Variants in PIK3AP1 observed in about 807,000 individuals in gnomAD.
PIK3AP1 encodes phosphoinositide 3-kinase adapter protein 1.
In PIK3AP1, 21 loss-of-function variants were observed where a neutral mutation model predicts 88.1. The ratio of observed to expected loss-of-function variants is 0.24; its 90% CI spans 0.17 to 0.34. The LOEUF (loss-of-function observed/expected upper bound fraction) is 0.34, where lower values mean the gene tolerates loss of function less well. Ranked by LOEUF, PIK3AP1 falls within the 10% of genes least tolerant of loss-of-function variation. PIK3AP1 has a pLI of 1.00. For synonymous variants in PIK3AP1, 398 were observed against 400.0 expected, an observed-to-expected ratio of 1.00 and a Z score of 0.06; for missense variants, 828 against 1,035.7, an observed-to-expected ratio of 0.80 and a Z score of 2.75.
intron 12 of PIK3AP1, 41 bp from the exon 13 acceptor site, chr10:96,616,752 A>T (rs756736387): frequency 6.4e-7 from 1 of 1,560,850 alleles, no homozygotes; most frequent in African/African-American, 1.4e-5. Context: ...GTACAACAGG[A>T]TGATACCCTC....
At chr10:96,620,754 T>C (rs1008830192) in intron 11 of PIK3AP1, 197 bp from the exon 12 acceptor site, 14 of 563,492 alleles carry the variant, frequency 2.5e-5, no homozygotes, top group Non-Finnish European at 4.1e-5. Flanking sequence ...CCTATCACAC[T>C]GAAGTAGACA....
At chr10:96,598,808 G>A (rs1403642848) in intron 16 of PIK3AP1, among the ~76,000 whole-genome samples, 1 of 152,196 alleles carries the variant, frequency 6.6e-6, no homozygotes, top group Non-Finnish European at 1.5e-5. Flanking sequence ...TAGGAAGACA[G>A]CATTCCAGGC....
chr10:96,699,918 G>C (rs796232235), intron 2 of PIK3AP1, among the ~76,000 whole-genome samples: 3 of 152,326 alleles, frequency 2.0e-5, no homozygotes, highest in African/African-American at 7.2e-5. Flanking sequence ...ACAGATGTCA[G>C]GTCCCTCCTG....
intron 2 of PIK3AP1, among the ~76,000 whole-genome samples, chr10:96,705,921 T>C (rs1844357391): frequency 9.1e-6 from 1 of 109,862 alleles, no homozygotes; most frequent in Non-Finnish European, 1.7e-5. Flanking sequence ...TGAGATGGAG[T>C]CTTGATCTGT....
chr10:96,649,352 T>C (rs1843506266), intron 6 of PIK3AP1, among the ~76,000 whole-genome samples: 1 of 152,132 alleles, frequency 6.6e-6, no homozygotes, highest in Admixed American at 6.5e-5. Flanking sequence ...CCATAACATT[T>C]TAATTAATTA....
At chr10:96,636,475 C>T (rs1185857710) in intron 8 of PIK3AP1, among the ~76,000 whole-genome samples, 1 of 152,050 alleles carries the variant, frequency 6.6e-6, no homozygotes, top group Non-Finnish European at 1.5e-5. Flanking sequence ...GTACACATAA[C>T]CCGGGCATAC....
intron 7 of PIK3AP1, among the ~76,000 whole-genome samples, chr10:96,647,894 G>A (rs558837689): frequency 9.2e-5 from 14 of 152,264 alleles, no homozygotes; most frequent in Non-Finnish European, 1.5e-4. Context: ...TGCTTCCTAG[G>A]CATCAGAGGC....
At chr10:96,632,476 G>C (rs1843257690) in intron 8 of PIK3AP1, among the ~76,000 whole-genome samples, 1 of 151,632 alleles carries the variant, frequency 6.6e-6, no homozygotes, top group Admixed American at 6.6e-5. Context: ...CATAGCTCCT[G>C]AGGATGACCC....
At chr10:96,612,948 GTGTATATATA>G (rs1403639964) in intron 13 of PIK3AP1, among the ~76,000 whole-genome samples, 9 of 46,316 alleles carry the variant, frequency 1.9e-4, no homozygotes, top group East Asian at 6.0e-4. Flanking sequence ...TTGTGTGTGT[GTGTATATATA>G]TATATATATA....
intron 2 of PIK3AP1, among the ~76,000 whole-genome samples, chr10:96,670,110 G>A (rs1843823332): frequency 6.8e-6 from 1 of 147,238 alleles, no homozygotes; most frequent in Admixed American, 6.9e-5. Flanking sequence ...GGGAGGTGGA[G>A]GTTGCGCCAC....
intron 8 of PIK3AP1, among the ~76,000 whole-genome samples, chr10:96,640,373 C>G (rs1009905131): frequency 3.9e-5 from 6 of 152,114 alleles, no homozygotes; most frequent in African/African-American, 1.2e-4. Context: ...AACTGCCCCC[C>G]CAAGGCCATT....
intron 16 of PIK3AP1, among the ~76,000 whole-genome samples, chr10:96,599,636 A>G (rs770560053): frequency 2.0e-5 from 3 of 152,118 alleles, no homozygotes; most frequent in African/African-American, 7.2e-5. Context: ...CCAGCCTTCA[A>G]TCCTGTCTAT....
intron 13 of PIK3AP1, among the ~76,000 whole-genome samples, chr10:96,614,394 C>A (rs1302963835): frequency 1.4e-5 from 2 of 138,566 alleles, no homozygotes; most frequent in Non-Finnish European, 3.2e-5. Flanking sequence ...GATCTCGAAA[C>A]AGCTTTTCTG....
At chr10:96,664,699 T>C (rs1186158989) in intron 2 of PIK3AP1, among the ~76,000 whole-genome samples, 4 of 152,180 alleles carry the variant, frequency 2.6e-5, no homozygotes, top group African/African-American at 9.7e-5. Context: ...AAACAATTCC[T>C]TCCAGTAGGT....
At chr10:96,686,957 T>C (rs1290878350) in intron 2 of PIK3AP1, among the ~76,000 whole-genome samples, 2 of 152,166 alleles carry the variant, frequency 1.3e-5, no homozygotes, top group African/African-American at 4.8e-5. Context: ...TTTCCCTCTG[T>C]GTTTTAGAAA....
chr10:96,652,246 G>C (rs1843548228), intron 4 of PIK3AP1, among the ~76,000 whole-genome samples: 3 of 152,052 alleles, frequency 2.0e-5, no homozygotes, highest in Admixed American at 1.3e-4. Flanking sequence ...AGTAATCAAA[G>C]AAATGCATAT....
At chr10:96,710,102 G>A in intron 1 of PIK3AP1, 119 bp from the exon 2 acceptor site, 2 of 970,658 alleles carry the variant, frequency 2.1e-6, no homozygotes. Context: ...CTTTCGTGGT[G>A]TGCCTCCAGC....
At chr10:96,628,909 T>TAC (rs1564961342) in intron 8 of PIK3AP1, among the ~76,000 whole-genome samples, 1 of 10,598 alleles carries the variant, frequency 9.4e-5, no homozygotes, top group Non-Finnish European at 2.3e-4. Context: ...TATATATATG[T>TAC]GTATATATAT....
intron 2 of PIK3AP1, chr10:96,700,704 A>T: frequency 1.6e-6 from 1 of 620,290 alleles, no homozygotes; most frequent in Non-Finnish European, 2.0e-6. Flanking sequence ...GCACCAGGAC[A>T]GCAGCACCAC....
Sources: gnomAD v4.1 joint callset for allele counts (sites outside exome capture counted in the v4.1 genomes callset) on GRCh38, gnomAD v4.1.1 for gene constraint, MANE v1.5 for transcripts, NCBI Gene and HGNC (gene_info 2026-07-23, HGNC 2026-07-21) for gene names.